The following LGR6 variants were observed in gnomAD, a reference collection of about 807,000 sequenced individuals.
The protein encoded by LGR6 is leucine-rich repeat-containing G protein-coupled receptor 6.
A neutral mutation model predicts 69.4 loss-of-function variants in LGR6; 45 were observed. The ratio of observed to expected loss-of-function variants is 0.65; its 90% CI spans 0.51 to 0.83. The LOEUF (loss-of-function observed/expected upper bound fraction) is 0.83, where lower values mean the gene tolerates loss of function less well. LGR6 is among the 40% of genes least tolerant of loss of function. The pLI is 0.00. For synonymous variants in LGR6, 538 were observed against 555.0 expected, an observed-to-expected ratio of 0.97 and a Z score of 0.43; for missense variants, 1,108 against 1,246.7, an observed-to-expected ratio of 0.89 and a Z score of 1.68.
At chr1:202,301,014 A>C in intron 8 of LGR6, 94 bp downstream of exon 8, 1 of 1,321,176 alleles carries the variant, frequency 7.6e-7, no homozygotes, top group Non-Finnish European at 1.1e-6. Context: ...CCTAGGAAGC[A>C]CCAGGGAGGC....
chr1:202,319,157 G>A lies in LGR6; in HGVS notation c.2854G>A (p.Gly952Arg), dbSNP rs754844748. ...TACGCCAGCAGGTGGAGGCTTGTCA[G>A]GGGGTGGCGGCTTTCAGCCCTCTGG... Reference protein sequence around the residue: ...GSTPAGGGLSGGGGFQPSGLA... With the variant: ...GSTPAGGGLSRGGGFQPSGLA... Residue 952 changes from glycine to arginine, a missense_variant, in exon 18 of 18, where the codon GGG becomes AGG. Physicochemically the swap from Gly to Arg is moderately radical, Grantham distance 125. Coordinates refer to ENST00000367278, the MANE Select transcript of LGR6 (RefSeq NM_001017403.2). 2.2e-5 allele frequency: 35 copies of A among 1,613,286 alleles called. No individual in the cohort carries two copies. The highest frequency in any genetic ancestry group is 2.7e-5 in the Non-Finnish European group (32 of 1,179,558).
intron 12 of LGR6, among the ~76,000 whole-genome samples, chr1:202,306,314 A>G (rs1284859149): frequency 6.6e-6 from 1 of 152,220 alleles, no homozygotes; most frequent in African/African-American, 2.4e-5. Context: ...TCAAGCCAGC[A>G]TGGCCTCTTG....
At chr1:202,200,997 C>T (rs1361722673) in intron 1 of LGR6, among the ~76,000 whole-genome samples, 3 of 152,176 alleles carry the variant, frequency 2.0e-5, no homozygotes, top group Admixed American at 6.5e-5. Flanking sequence ...CCCCAGCCCC[C>T]GCTTCTCTGC....
At chr1:202,203,712 G>C (rs548258708) in intron 1 of LGR6, 2 of 1,187,440 alleles carry the variant, frequency 1.7e-6, no homozygotes, top group Non-Finnish European at 2.5e-6. Context: ...CAGATACTGC[G>C]TAGCAGGCGG....
At chr1:202,290,894 G>A (rs1424285709) in intron 6 of LGR6, among the ~76,000 whole-genome samples, 2 of 152,064 alleles carry the variant, frequency 1.3e-5, no homozygotes, top group Admixed American at 1.3e-4. Flanking sequence ...GCAAAAGAAG[G>A]GACTGGACAG....
At chr1:202,259,129 T>C (rs1558042570) in intron 4 of LGR6, among the ~76,000 whole-genome samples, 2 of 152,172 alleles carry the variant, frequency 1.3e-5, no homozygotes, top group Non-Finnish European at 2.9e-5. Flanking sequence ...ATCTTGATGG[T>C]GGTAGACTAT....
intron 5 of LGR6, among the ~76,000 whole-genome samples, chr1:202,278,440 G>C (rs1665756646): frequency 6.6e-6 from 1 of 152,130 alleles, no homozygotes. Context: ...GGCCCACTGA[G>C]GACAAGGAGG....
At chr1:202,256,641 A>G (rs1663797934) in intron 4 of LGR6, among the ~76,000 whole-genome samples, 1 of 152,060 alleles carries the variant, frequency 6.6e-6, no homozygotes, top group East Asian at 1.9e-4. Flanking sequence ...GGCTGTTTCC[A>G]CGTTTTGGTT....
At chr1:202,250,946 C>G (rs1403572685) in intron 4 of LGR6, among the ~76,000 whole-genome samples, 1 of 152,190 alleles carries the variant, frequency 6.6e-6, no homozygotes, top group East Asian at 1.9e-4. Context: ...TTCCCCCTTC[C>G]TCTACATTCT....
At chr1:202,307,863 G>A (rs1653375962) in intron 14 of LGR6, among the ~76,000 whole-genome samples, 1 of 152,166 alleles carries the variant, frequency 6.6e-6, no homozygotes, top group Non-Finnish European at 1.5e-5. Flanking sequence ...AATTACATAG[G>A]ATGTAAACAG....
In LGR6 at chr1:202,296,848, A is replaced by G. The variant is rs376426163; in HGVS notation, c.717-660A>G. Among the ~76,000 whole-genome samples, 23 of 152,354 alleles carry G rather than the reference A, an allele frequency of 1.5e-4. No individual in the cohort carries two copies. The East Asian group carries it at 3.1e-3, about 20-fold the overall frequency. ...AAATAGTTTCTAAAGGGTTGTACAC[A>G]TTTAAATTCCCACTAATAATTTATC... On this transcript the variant is annotated intron_variant, in intron 6 of 17. Transcript: ENST00000367278.
chr1:202,194,709 G>GGGA (rs1553236901), intron 1 of LGR6: 1 of 273,938 alleles, frequency 3.7e-6, no homozygotes, highest in Non-Finnish European at 7.4e-6. Flanking sequence ...TGGGGGCGGG[G>GGGA]GGGGCGGGTT....
chr1:202,280,765 T>G lies in LGR6; in HGVS notation c.645-16T>G. 1 of 1,614,106 alleles carries G rather than the reference T, an allele frequency of 6.2e-7. No homozygotes were observed. The highest frequency in any genetic ancestry group is 8.5e-7 in the Non-Finnish European group (1 of 1,179,932). On this transcript the variant is annotated splice_polypyrimidine_tract_variant and intron_variant, in intron 5 of 17. Coordinates refer to ENST00000367278, the MANE Select transcript of LGR6 (RefSeq NM_001017403.2). ...CCGTGGGCACCCATTCTGATGCGTC[T>G]TTCCTTCCCGTGCAGGCATTTGCAT...
intron 1 of LGR6, among the ~76,000 whole-genome samples, chr1:202,210,173 C>T (rs1659407372): frequency 6.6e-6 from 1 of 152,094 alleles, no homozygotes; most frequent in Non-Finnish European, 1.5e-5. Flanking sequence ...GGGAGGCCTC[C>T]CCTCTGTGTG....
At chr1:202,271,312 C>T (rs1665078154) in intron 4 of LGR6, among the ~76,000 whole-genome samples, 1 of 152,084 alleles carries the variant, frequency 6.6e-6, no homozygotes, top group Admixed American at 6.5e-5. Flanking sequence ...CCTAGGACCC[C>T]CCTACCCTAG....
intron 4 of LGR6, among the ~76,000 whole-genome samples, chr1:202,238,701 G>A (rs1661850173): frequency 1.3e-5 from 2 of 151,742 alleles, no homozygotes; most frequent in African/African-American, 2.4e-5. Context: ...GGGATTACAG[G>A]CGTGAGCCAT....
chr1:202,278,714 A>C (rs1162260622), intron 5 of LGR6, among the ~76,000 whole-genome samples: 1 of 152,162 alleles, frequency 6.6e-6, no homozygotes, highest in African/African-American at 2.4e-5. Context: ...GATGGGAAGC[A>C]AAAAAGATAT....
At chr1:202,291,951 G>A (rs1666825825) in intron 6 of LGR6, among the ~76,000 whole-genome samples, 1 of 152,130 alleles carries the variant, frequency 6.6e-6, no homozygotes, top group Admixed American at 6.5e-5. Flanking sequence ...CTGACTACAG[G>A]GATTGGGTTG....
At chr1:202,207,165 C>T (rs1012248651) in intron 1 of LGR6, among the ~76,000 whole-genome samples, 2 of 152,148 alleles carry the variant, frequency 1.3e-5, no homozygotes, top group African/African-American at 2.4e-5. Flanking sequence ...GATCCACCCA[C>T]CTTGACCTCC....
Sources: allele counts gnomAD v4.1 joint callset (sites outside exome capture counted in the v4.1 genomes callset), GRCh38; gene constraint gnomAD v4.1.1; transcripts MANE v1.5; gene names NCBI Gene and HGNC (gene_info 2026-07-23, HGNC 2026-07-21).